Variants in CIZ1 observed in about 807,000 individuals in gnomAD.
The protein encoded by CIZ1 is CDKN1A interacting zinc finger protein 1.
CIZ1 carries 58 observed loss-of-function variants against 118.6 expected under a neutral mutation model. That is an observed-to-expected ratio of 0.49 (90% CI 0.40 to 0.61). The LOEUF (loss-of-function observed/expected upper bound fraction) is 0.61, where lower values mean the gene tolerates loss of function less well. Among genes scored for constraint, CIZ1 ranks in the 20% least tolerant of loss-of-function variants. The pLI, the probability that CIZ1 is intolerant of heterozygous loss-of-function variation, is 0.00. For synonymous variants in CIZ1, 448 were observed against 443.4 expected (o/e 1.01, Z -0.13); for missense variants, 921 against 1,115.9 (o/e 0.83, Z 2.49).
At chr9:128,170,390 T>C (rs1829985244) in intron 11 of CIZ1, among the ~76,000 whole-genome samples, 1 of 152,202 alleles carries the variant, frequency 6.6e-6, no homozygotes, top group African/African-American at 2.4e-5. Context: ...ATCCTGACAG[T>C]GTATCAGTGG....
At chr9:128,189,713 G>A (rs763820897) in intron 3 of CIZ1, among the ~76,000 whole-genome samples, 4 of 151,492 alleles carry the variant, frequency 2.6e-5, no homozygotes, top group Non-Finnish European at 4.4e-5. Context: ...CCAGCTACTC[G>A]GGAAGCTAAG....
chr9:128,186,591 C>T lies in CIZ1; in HGVS notation c.359-815G>A, dbSNP rs944953885. On this transcript the variant is annotated intron_variant, in intron 4 of 16. Transcript: ENST00000372938. ...TTCGCAAACCATATTCTGAGTTCATCTCTCCCTTCTGCCCAAACACTTCCA... is the reference window on the plus strand; with the variant it reads ...TTCGCAAACCATATTCTGAGTTCATTTCTCCCTTCTGCCCAAACACTTCCA... 2.6e-5 allele frequency among the ~76,000 whole-genome samples: 4 copies of T among 152,214 alleles called. 1 individual carries two copies. In the South Asian group the frequency reaches 8.3e-4, roughly 32 times the overall value.
At chr9:128,173,690 G>A (rs1564255125) in intron 11 of CIZ1, among the ~76,000 whole-genome samples, 1 of 152,136 alleles carries the variant, frequency 6.6e-6, no homozygotes, top group Non-Finnish European at 1.5e-5. Flanking sequence ...TTGTGCCAGT[G>A]TCACGTCTGA....
intron 14 of CIZ1, chr9:128,168,848 G>A (rs1189278632): frequency 1.4e-6 from 1 of 712,688 alleles, no homozygotes; most frequent in Non-Finnish European, 2.3e-6. Flanking sequence ...ATTTCAGTCA[G>A]GCTTTGCATA....
At chr9:128,191,963 C>A (rs980847896), upstream of CIZ1, 16 of 1,370,744 alleles carry the variant, frequency 1.2e-5, no homozygotes, top group South Asian at 9.3e-5. The surrounding 1 kb of genome is among the most constrained non-coding windows in gnomAD (Gnocchi z 5.5). Flanking sequence ...CCAGGCCAGG[C>A]GAGAGGGCGG....
At chr9:128,173,487 G>A (rs1040679133) in intron 11 of CIZ1, among the ~76,000 whole-genome samples, 1 of 150,890 alleles carries the variant, frequency 6.6e-6, no homozygotes, top group Non-Finnish European at 1.5e-5. Context: ...GTCTCATGAC[G>A]GGCTGGTCTT....
chr9:128,197,970 C>G (rs946156474), intron 1 of CIZ1: 1 of 152,276 alleles, frequency 6.6e-6, no homozygotes, highest in Admixed American at 6.5e-5. Context: ...TAGAAAGTGA[C>G]AGAAGTGGGA....
Position 128,166,811 on chromosome 9 carries a change from G to A in CIZ1, c.2435C>T (p.Ser812Leu). The change falls in exon 16 of 17, where the codon TCA (serine) becomes TTA (leucine). Residue 812 changes from serine to leucine, a missense_variant. Transcript: ENST00000372938. This position sits in a 1 kb window ranked among gnomAD's most constrained non-coding sequence, Gnocchi z 4.4. ...RICHKFYHSN[S>L]GAQLSHCKSL... ...CTTGCAGTGGGAGAGCTGTGCCCCT[G>A]AGTTGCTGTGATAGAACTTGTGGCA... The A allele has an allele frequency of 6.2e-7, 1 of 1,614,198 alleles. No homozygotes were observed. Among genetic ancestry groups the A allele is most frequent in the Non-Finnish European group, 8.5e-7 (1 of 1,180,022 alleles).
At position 128,169,204 on chromosome 9, in the gene CIZ1, G is replaced by A; in HGVS notation, c.2146-3C>T. On this transcript the variant is annotated splice_region_variant and splice_polypyrimidine_tract_variant and intron_variant, in intron 13 of 16. Coordinates refer to ENST00000372938, the MANE Select transcript of CIZ1 (RefSeq NM_001131016.2). ...ATTTCTTTCTCAAGCGACTTCAGCT[G>A]CCCAGGGAGTAGGCAAGGAGCTCAG... The A allele has an allele frequency of 6.2e-7, 1 of 1,614,148 alleles. No homozygotes were observed.
rs1367633388 is a variant in CIZ1, at chr9:128,187,857, T to C, written c.358+6A>G. On this transcript the variant is annotated splice_donor_region_variant and intron_variant, in intron 4 of 16. Transcript: ENST00000372938. Reference sequence around the variant, plus strand: ...TTTATATATATATATAAAAAGCATATAATACCCAGTGTTGCTGTGGGCATG... The same window carrying C: ...TTTATATATATATATAAAAAGCATACAATACCCAGTGTTGCTGTGGGCATG... 1 of 703,228 alleles carries C rather than the reference T, an allele frequency of 1.4e-6. No individual in the cohort carries two copies. The highest frequency in any genetic ancestry group is 1.7e-5 in the South Asian group (1 of 59,500). The allele number at this position is 703,228 out of a possible 1,614,324, so 43.6% of individuals were successfully genotyped here.
rs1564271213 is a variant in CIZ1 at position 128,178,986 on chromosome 9, C to T, written c.1221G>A (p.Val407=). ...GGGGCTGTGAATGTGCCTGGGGCTGCACCTGTGGCTGCACCTGCTTCAGCG... is the reference window on the plus strand; with the variant it reads ...GGGGCTGTGAATGTGCCTGGGGCTGTACCTGTGGCTGCACCTGCTTCAGCG... The part of the protein sequence containing the change: ...AEPLKQVQPQ[V]QPQAHSQPPR... Residue 407 remains valine, a synonymous_variant, in exon 8 of 17, where the codon GTG becomes GTA. Transcript: ENST00000372938. 12 of 1,612,776 alleles carry T rather than the reference C, an allele frequency of 7.4e-6. 1 individual carries two copies. In the East Asian group the frequency reaches 2.5e-4, roughly 33 times the overall value.
At chr9:128,185,835 G>C in intron 4 of CIZ1, 59 bp from the exon 5 acceptor site, 1 of 1,224,134 alleles carries the variant, frequency 8.2e-7, no homozygotes, top group Non-Finnish European at 1.2e-6. Context: ...CAGAAGGTAG[G>C]GTCAGGCATC....
chr9:128,190,183 T>A (rs1832950465), intron 3 of CIZ1, 146 bp downstream of exon 3: 4 of 631,764 alleles, frequency 6.3e-6, no homozygotes. Flanking sequence ...TTTCACCTCC[T>A]GGAGCCTTAG....
At chr9:128,189,143 C>T (rs1326949486) in intron 3 of CIZ1, among the ~76,000 whole-genome samples, 3 of 152,032 alleles carry the variant, frequency 2.0e-5, no homozygotes, top group Non-Finnish European at 4.4e-5. Context: ...CACCATGTTG[C>T]CCAAGCTGTT....
At chr9:128,194,529 A>G (rs2131040962), upstream of CIZ1, among the ~76,000 whole-genome samples, 1 of 152,122 alleles carries the variant, frequency 6.6e-6, no homozygotes, top group East Asian at 1.9e-4. Context: ...TTTTAAGGAC[A>G]GCCTCAGCTG....
At chr9:128,192,191 G>A (rs1833219419), upstream of CIZ1, among the ~76,000 whole-genome samples, 1 of 151,962 alleles carries the variant, frequency 6.6e-6, no homozygotes, top group Non-Finnish European at 1.5e-5. Context: ...GGGCAAAATG[G>A]CGAAATCCCT....
At chr9:128,189,129 G>C (rs1832814802) in intron 3 of CIZ1, among the ~76,000 whole-genome samples, 1 of 152,018 alleles carries the variant, frequency 6.6e-6, no homozygotes. Context: ...TAGAGACAGA[G>C]TTTCACCATG....
intron 5 of CIZ1, among the ~76,000 whole-genome samples, chr9:128,184,897 T>C (rs1196040106): frequency 6.6e-6 from 1 of 152,090 alleles, no homozygotes; most frequent in East Asian, 2.0e-4. Context: ...TTCGAACCTC[T>C]GACCTCAGGT....
In CIZ1 at chr9:128,178,952, C is replaced by T. The variant is rs148391719; in HGVS notation, c.1255G>A (p.Val419Met). The stretch of plus-strand genomic sequence containing the variant: ...ACCTGCTTCTGCAGCTGCAGCTGCA[C>T]CTGCCTTGGGGGCTGTGAATGTGCC... Reference protein sequence around the residue: ...PQAHSQPPRQVQLQLQKQVQT... With the variant: ...PQAHSQPPRQMQLQLQKQVQT... The change falls in exon 8 of 17, where the codon GTG becomes ATG. Residue 419 changes from valine (V) to methionine (M), a missense_variant. Val to Met is a conservative substitution (Grantham distance 21, BLOSUM62 1). Coordinates refer to ENST00000372938, the MANE Select transcript of CIZ1 (RefSeq NM_001131016.2). 67 of 1,613,556 alleles carry T rather than the reference C, an allele frequency of 4.2e-5. No homozygotes were observed. The highest frequency in any genetic ancestry group is 5.3e-5 in the Non-Finnish European group (63 of 1,179,980).
Sources: allele counts gnomAD v4.1 joint callset (sites outside exome capture counted in the v4.1 genomes callset), GRCh38; gene constraint gnomAD v4.1.1; non-coding constraint Gnocchi (gnomAD v3.1); transcripts MANE v1.5; gene names NCBI Gene and HGNC (gene_info 2026-07-23, HGNC 2026-07-21).